Variants in PPP1R12A observed in about 807,000 individuals in gnomAD.
PPP1R12A encodes protein phosphatase 1 regulatory subunit 12A.
A neutral mutation model predicts 139.6 loss-of-function variants in PPP1R12A; 19 were observed. The ratio of observed to expected loss-of-function variants is 0.14; its 90% CI spans 0.09 to 0.20. The LOEUF (loss-of-function observed/expected upper bound fraction) is 0.20, where lower values mean the gene tolerates loss of function less well. Among genes scored for constraint, PPP1R12A ranks in the 10% least tolerant of loss-of-function variants. PPP1R12A has a pLI of 1.00. For missense variants in PPP1R12A, 925 were observed against 1,211.5 expected, an observed-to-expected ratio of 0.76 and a Z score of 3.51; for synonymous variants, 427 against 420.6, an observed-to-expected ratio of 1.02 and a Z score of -0.19.
chr12:79,774,915 A>G lies in PPP1R12A; in HGVS notation c.*1014T>C, dbSNP rs1047007247. ...AAAATAAAAGCACTTTACAGTAGGA[A>G]ACTTTTGTAAAGATAGGGCTCCACA... On this transcript the variant is annotated 3_prime_UTR_variant, in exon 25 of 25. Coordinates refer to ENST00000450142, the MANE Select transcript of PPP1R12A (RefSeq NM_002480.3). The G allele has an allele frequency of 6.8e-6, 1 of 147,610 alleles. No individual in the cohort carries two copies. The highest frequency in any genetic ancestry group is 1.5e-5 in the Non-Finnish European group (1 of 67,938). The allele number at this position is 147,610 out of a possible 1,614,324, so 9.1% of individuals were successfully genotyped here.
intron 14 of PPP1R12A, among the ~76,000 whole-genome samples, chr12:79,802,804 T>G (rs1013880897): frequency 1.3e-5 from 2 of 152,070 alleles, no homozygotes; most frequent in South Asian, 4.1e-4. Flanking sequence ...GCAAGACAGA[T>G]AGGGTGCATG....
At chr12:79,922,113 C>T (rs960045459) in intron 1 of PPP1R12A, among the ~76,000 whole-genome samples, 10 of 151,982 alleles carry the variant, frequency 6.6e-5, no homozygotes, top group Non-Finnish European at 1.5e-4. Flanking sequence ...TTTTAAAAGT[C>T]AGCCAGTTGT....
intron 14 of PPP1R12A, among the ~76,000 whole-genome samples, chr12:79,802,063 T>A (rs1873250887): frequency 6.6e-6 from 1 of 152,208 alleles, no homozygotes; most frequent in South Asian, 2.1e-4. Flanking sequence ...ATCTTGTTAT[T>A]AAAATTTAAG....
At chr12:79,894,913 ATC>A (rs1884994826) in intron 1 of PPP1R12A, among the ~76,000 whole-genome samples, 1 of 152,164 alleles carries the variant, frequency 6.6e-6, no homozygotes, top group South Asian at 2.1e-4. Flanking sequence ...TCTTAAAACT[ATC>A]TGACAACTTT....
intron 3 of PPP1R12A, among the ~76,000 whole-genome samples, chr12:79,840,049 G>A (rs1158848506): frequency 6.6e-6 from 1 of 150,922 alleles, no homozygotes; most frequent in Non-Finnish European, 1.5e-5. Context: ...TTTCTAGGGA[G>A]ACATTTTAAA....
At chr12:79,782,633 A>G in intron 22 of PPP1R12A, 2 of 425,412 alleles carry the variant, frequency 4.7e-6, no homozygotes, top group Non-Finnish European at 9.3e-6. Flanking sequence ...AGAACAAAAC[A>G]AAAAAAGAAA....
At chr12:79,814,754 G>A (rs1169172873) in intron 9 of PPP1R12A, among the ~76,000 whole-genome samples, 2 of 133,484 alleles carry the variant, frequency 1.5e-5, no homozygotes, top group Non-Finnish European at 3.1e-5. Context: ...GGTGGAGGTT[G>A]CAGTGAGCCG....
At chr12:79,890,481 A>C (rs1398797089) in intron 1 of PPP1R12A, among the ~76,000 whole-genome samples, 2 of 152,234 alleles carry the variant, frequency 1.3e-5, no homozygotes, top group Non-Finnish European at 2.9e-5. Flanking sequence ...GAAATCCTTA[A>C]GAAAATACTC....
chr12:79,895,293 C>G (rs1165501048), intron 1 of PPP1R12A, among the ~76,000 whole-genome samples: 2 of 152,098 alleles, frequency 1.3e-5, no homozygotes, highest in East Asian at 1.9e-4. Context: ...TCACATGAAG[C>G]AACTCCTGCA....
chr12:79,779,624 TAC>T (rs1224066385), intron 23 of PPP1R12A: 9 of 319,834 alleles, frequency 2.8e-5, no homozygotes, highest in South Asian at 8.0e-5. Context: ...TACTAAATAA[TAC>T]AGTCATGACA....
intron 9 of PPP1R12A, among the ~76,000 whole-genome samples, chr12:79,811,096 A>G (rs1592650129): frequency 6.6e-6 from 1 of 152,312 alleles, no homozygotes; most frequent in East Asian, 1.9e-4. Flanking sequence ...AACTATATAG[A>G]TTGGTGAATA....
intron 5 of PPP1R12A, among the ~76,000 whole-genome samples, chr12:79,823,464 T>C (rs908892341): frequency 6.6e-6 from 1 of 152,174 alleles, no homozygotes; most frequent in African/African-American, 2.4e-5. Context: ...AACATCAGGA[T>C]GTTAACATGT....
chr12:79,873,265 T>C (rs1882750594), intron 1 of PPP1R12A, among the ~76,000 whole-genome samples: 1 of 152,086 alleles, frequency 6.6e-6, no homozygotes, highest in African/African-American at 2.4e-5. Flanking sequence ...AAAAATGTTG[T>C]CTGCTGGGGG....
At chr12:79,830,483 G>C (rs1307597944) in intron 4 of PPP1R12A, among the ~76,000 whole-genome samples, 1 of 152,062 alleles carries the variant, frequency 6.6e-6, no homozygotes, top group Non-Finnish European at 1.5e-5. Context: ...ATGTGAGTGG[G>C]AATATCTGTA....
chr12:79,837,714 G>C (rs1180832942), intron 3 of PPP1R12A, among the ~76,000 whole-genome samples: 2 of 152,128 alleles, frequency 1.3e-5, no homozygotes, highest in Non-Finnish European at 2.9e-5. Context: ...TGGTTTAAGA[G>C]GCTTTTTCCT....
intron 20 of PPP1R12A, among the ~76,000 whole-genome samples, chr12:79,790,070 G>A (rs1452718273): frequency 1.3e-5 from 2 of 152,052 alleles, no homozygotes; most frequent in East Asian, 1.9e-4. Context: ...TAAGGGTTGA[G>A]CTAGATGACA....
chr12:79,907,969 ATAG>A (rs1417745277), intron 1 of PPP1R12A, among the ~76,000 whole-genome samples: 1 of 152,182 alleles, frequency 6.6e-6, no homozygotes, highest in Non-Finnish European at 1.5e-5. Context: ...GTGGTATATA[ATAG>A]TGGTTCACAG....
At chr12:79,849,476 A>C (rs1317000586) in intron 2 of PPP1R12A, among the ~76,000 whole-genome samples, 1 of 152,206 alleles carries the variant, frequency 6.6e-6, no homozygotes, top group East Asian at 1.9e-4. Context: ...TTTCACTTTG[A>C]AAGACCCTGG....
Position 79,808,268 on chromosome 12 carries a change from C to G in PPP1R12A, c.1550+215G>C, listed in dbSNP as rs546327824. On this transcript the variant is annotated intron_variant, in intron 11 of 24. Transcript: ENST00000450142. ...TATCTCCTCCCACTTTCCCCTTACT[C>G]TGTTCCAGCCACATCTTCTTTGCTA... is the stretch of plus-strand genomic sequence containing the variant. Among the ~76,000 whole-genome samples, 3 of 152,196 alleles carry G rather than the reference C, an allele frequency of 2.0e-5. 1 individual carries two copies. The highest frequency in any genetic ancestry group is 4.8e-5 in the African/African-American group (2 of 41,550).
Sources: allele counts gnomAD v4.1 joint callset (sites outside exome capture counted in the v4.1 genomes callset), GRCh38; gene constraint gnomAD v4.1.1; transcripts MANE v1.5; gene names NCBI Gene and HGNC (gene_info 2026-07-23, HGNC 2026-07-21).